The following TACC1 variants were observed in gnomAD, a reference collection of about 807,000 sequenced individuals.
TACC1 encodes the protein transforming acidic coiled-coil-containing protein 1.
In TACC1, 48 loss-of-function variants were observed where a neutral mutation model predicts 84.4. The ratio of observed to expected loss-of-function variants is 0.57; its 90% CI spans 0.45 to 0.72. The LOEUF (loss-of-function observed/expected upper bound fraction) is 0.72. TACC1 is among the 30% of genes least tolerant of loss of function. The probability of loss-of-function intolerance (pLI) is 0.00; values close to 1 mark genes in which losing one functional copy is unlikely to be tolerated. For missense variants in TACC1, 920 were observed against 973.0 expected (o/e 0.95, Z 0.72); for synonymous variants, 372 against 376.3 (o/e 0.99, Z 0.13).
intron 2 of TACC1, among the ~76,000 whole-genome samples, chr8:38,811,488 G>A (rs953198597): frequency 1.3e-5 from 2 of 152,176 alleles, no homozygotes; most frequent in African/African-American, 4.8e-5. Context: ...AACATAAATC[G>A]TGAAGATTTC....
At chr8:38,729,232 C>T (rs1476001088) in intron 1 of TACC1, among the ~76,000 whole-genome samples, 1 of 152,196 alleles carries the variant, frequency 6.6e-6, no homozygotes, top group Non-Finnish European at 1.5e-5. Flanking sequence ...GCCATAGGGA[C>T]AACTACCTTG....
intron 1 of TACC1, among the ~76,000 whole-genome samples, chr8:38,734,632 C>G (rs1455284245): frequency 2.0e-5 from 3 of 152,240 alleles, no homozygotes; most frequent in East Asian, 1.9e-4. Flanking sequence ...ACAAAGGACT[C>G]TCCTGGCCCT....
chr8:38,842,353 A>G lies in TACC1; in HGVS notation c.2027A>G (p.Gln676Arg). ...CAGCAACTGACCATGGAGAAGGAACAGGCCCTGGCTGACCTTAACTCTGTG... is the reference window on the plus strand; with the variant it reads ...CAGCAACTGACCATGGAGAAGGAACGGGCCCTGGCTGACCTTAACTCTGTG... ...SFQQLTMEKE[Q>R]ALADLNSVER... The change falls in exon 10 of 13, where the codon CAG (glutamine) becomes CGG (arginine). Residue 676 changes from glutamine (Q) to arginine (R), a missense_variant. By Grantham distance (43) the Gln-to-Arg change is conservative. Around this residue, in one of 2 missense-constraint regions of TACC1, gnomAD observed 158 missense variants for 225.6 expected, o/e 0.70. Transcript: ENST00000317827. 1 of 1,614,242 alleles carries G rather than the reference A, an allele frequency of 6.2e-7. No individual in the cohort carries two copies. Among genetic ancestry groups the G allele is most frequent in the Non-Finnish European group, 8.5e-7 (1 of 1,180,040 alleles).
At chr8:38,811,804 A>C (rs891380588) in intron 2 of TACC1, among the ~76,000 whole-genome samples, 1 of 152,236 alleles carries the variant, frequency 6.6e-6, no homozygotes, top group Non-Finnish European at 1.5e-5. Context: ...GGAACAAGGG[A>C]AGACAACCAT....
intron 2 of TACC1, among the ~76,000 whole-genome samples, chr8:38,807,888 T>G (rs1823134842): frequency 6.6e-6 from 1 of 152,234 alleles, no homozygotes. Flanking sequence ...CTCTTTTTAC[T>G]GCAAATAGTC....
At chr8:38,795,945 C>G (rs1350241939) in intron 2 of TACC1, among the ~76,000 whole-genome samples, 1 of 152,150 alleles carries the variant, frequency 6.6e-6, no homozygotes, top group Non-Finnish European at 1.5e-5. Flanking sequence ...AAAAATGTAT[C>G]TTGACAGTTT....
chr8:38,795,800 C>T (rs189560167), intron 2 of TACC1, among the ~76,000 whole-genome samples: 1 of 152,324 alleles, frequency 6.6e-6, no homozygotes, highest in East Asian at 1.9e-4. Context: ...ATCTCACCCT[C>T]ACCTTTGCAT....
At chr8:38,732,222 A>G (rs925034235) in intron 1 of TACC1, among the ~76,000 whole-genome samples, 5 of 152,112 alleles carry the variant, frequency 3.3e-5, no homozygotes, top group African/African-American at 4.8e-5. Flanking sequence ...AGAAAATGGT[A>G]TAAGTGTAAT....
intron 3 of TACC1, among the ~76,000 whole-genome samples, chr8:38,751,833 C>T (rs116596833): frequency 0.031 from 4,741 of 151,816 alleles, 268 homozygotes; most frequent in African/African-American, 0.11. Context: ...TGCCTGTAAA[C>T]GAGAATACTA....
At chr8:38,787,821 G>A (rs1563482565) in intron 1 of TACC1, 78 bp downstream of exon 1, 1 of 1,330,724 alleles carries the variant, frequency 7.5e-7, no homozygotes, top group Non-Finnish European at 9.9e-7. Context: ...GTGCGTGTGT[G>A]TGGTCGCCAC....
chr8:38,752,599 C>T (rs1314437907), intron 3 of TACC1, among the ~76,000 whole-genome samples: 1 of 152,212 alleles, frequency 6.6e-6, no homozygotes, highest in Non-Finnish European at 1.5e-5. Flanking sequence ...TTCTACCCCA[C>T]TTGGACTCCA....
chr8:38,745,281 C>T (rs1807852045), exon 3 of TACC1: 2 of 514,820 alleles, frequency 3.9e-6, no homozygotes, highest in Admixed American at 7.4e-5. Flanking sequence ...AGTTCAGGCC[C>T]AGCAAGAAAA....
At chr8:38,741,132 C>T (rs955501959) in intron 1 of TACC1, among the ~76,000 whole-genome samples, 5 of 151,254 alleles carry the variant, frequency 3.3e-5, no homozygotes, top group Non-Finnish European at 5.9e-5. Flanking sequence ...TCAGCCAGGG[C>T]ATTTAAAAAA....
intron 3 of TACC1, among the ~76,000 whole-genome samples, chr8:38,779,670 G>T (rs911967678): frequency 3.9e-5 from 6 of 152,232 alleles, no homozygotes; most frequent in African/African-American, 1.4e-4. Flanking sequence ...TGTATGTGGG[G>T]AAGAGGAGAG....
At chr8:38,793,331 C>T (rs962459684) in intron 2 of TACC1, among the ~76,000 whole-genome samples, 2 of 152,168 alleles carry the variant, frequency 1.3e-5, no homozygotes, top group Non-Finnish European at 2.9e-5. Context: ...CAAACTGTGA[C>T]TCATAGACCA....
chr8:38,731,429 G>A (rs769117404), intron 1 of TACC1, among the ~76,000 whole-genome samples: 5 of 152,220 alleles, frequency 3.3e-5, no homozygotes, highest in Non-Finnish European at 7.3e-5. Context: ...AAGATATCAT[G>A]AAGATAAGAT....
chr8:38,813,532 T>C (rs988442255), intron 2 of TACC1, among the ~76,000 whole-genome samples: 1 of 152,222 alleles, frequency 6.6e-6, no homozygotes, highest in Non-Finnish European at 1.5e-5. Flanking sequence ...TATCTGTTAA[T>C]AGGATCTGAG....
intron 3 of TACC1, among the ~76,000 whole-genome samples, chr8:38,770,806 A>T (rs983688742): frequency 6.6e-6 from 1 of 151,930 alleles, no homozygotes; most frequent in African/African-American, 2.4e-5. Flanking sequence ...GAGTCGGGGG[A>T]ACTCTTTAAA....
chr8:38,788,466 AG>A (rs764002330), intron 1 of TACC1: 27 of 425,842 alleles, frequency 6.3e-5, no homozygotes, highest in Middle Eastern at 6.3e-4. Flanking sequence ...ATGGTGCTGG[AG>A]AAAAGCTCCA....
Sources: allele counts gnomAD v4.1 joint callset (sites outside exome capture counted in the v4.1 genomes callset), GRCh38; gene constraint gnomAD v4.1.1; regional missense constraint gnomAD v4.1.1; transcripts MANE v1.5; gene names NCBI Gene and HGNC (gene_info 2026-07-23, HGNC 2026-07-21).